The following ROCK1 variants were observed in gnomAD, a reference collection of about 807,000 sequenced individuals.
ROCK1 encodes Rho associated coiled-coil containing protein kinase 1.
ROCK1 carries 36 observed loss-of-function variants against 196.8 expected under a neutral mutation model. The observed-to-expected ratio is 0.18, with a 90% CI of 0.14 to 0.24. ROCK1 has a LOEUF of 0.24. ROCK1 is among the 10% of genes least tolerant of loss of function. ROCK1 has a pLI of 1.00. For synonymous variants in ROCK1, 443 were observed against 515.9 expected, an observed-to-expected ratio of 0.86 and a Z score of 1.91; for missense variants, 920 against 1,562.0, an observed-to-expected ratio of 0.59 and a Z score of 6.93.
chr18:21,005,565 T>C (rs962790161), intron 16 of ROCK1, among the ~76,000 whole-genome samples: 1 of 152,122 alleles, frequency 6.6e-6, no homozygotes, highest in Non-Finnish European at 1.5e-5. Context: ...GATACAAATG[T>C]GGGCATTATT....
intron 27 of ROCK1, among the ~76,000 whole-genome samples, chr18:20,960,418 C>T (rs1350226780): frequency 1.3e-5 from 2 of 151,972 alleles, no homozygotes; most frequent in Non-Finnish European, 2.9e-5. Flanking sequence ...TTTTCCCATA[C>T]AATTTAACAT....
chr18:21,046,622 G>A (rs2036162218), intron 4 of ROCK1, among the ~76,000 whole-genome samples: 1 of 152,106 alleles, frequency 6.6e-6, no homozygotes, highest in Admixed American at 6.6e-5. Flanking sequence ...AATTAGCGAG[G>A]ATATCAGGCA....
chr18:20,963,092 A>G (rs150858850), intron 27 of ROCK1, among the ~76,000 whole-genome samples: 69 of 152,262 alleles, frequency 4.5e-4, no homozygotes, highest in African/African-American at 1.6e-3. Flanking sequence ...ACTCCCACTG[A>G]GAGAACCTCT....
At chr18:20,976,811 A>G (rs2035485166) in intron 22 of ROCK1, among the ~76,000 whole-genome samples, 1 of 152,150 alleles carries the variant, frequency 6.6e-6, no homozygotes, top group Non-Finnish European at 1.5e-5. Flanking sequence ...CTCAAACTCA[A>G]TAGGCCTGAA....
chr18:20,980,239 T>TAA (rs374886251), intron 21 of ROCK1, among the ~76,000 whole-genome samples: 5 of 147,714 alleles, frequency 3.4e-5, no homozygotes, highest in African/African-American at 9.9e-5. Context: ...ATACATGGGT[T>TAA]AAAAAAAAAA....
chr18:21,020,033 T>C (rs1223567287), intron 12 of ROCK1, 118 bp downstream of exon 12: 12 of 556,058 alleles, frequency 2.2e-5, no homozygotes, highest in Non-Finnish European at 3.7e-5. Context: ...GTATTATCAG[T>C]AGTAATCTTT....
rs940582174 is a variant in ROCK1, at chr18:21,013,835, G to A, written c.1410+1596C>T. On this transcript the variant is annotated intron_variant, in intron 13 of 32. Transcript: ENST00000399799. ...TCCCAGCACTTTGGGAGGCCAAGGCGGGTGGATCAAGGTCAGGAGATTGAG... is the reference window on the plus strand; with the variant it reads ...TCCCAGCACTTTGGGAGGCCAAGGCAGGTGGATCAAGGTCAGGAGATTGAG... 2.0e-4 allele frequency among the ~76,000 whole-genome samples: 31 copies of A among 151,416 alleles called. 1 individual carries two copies. Among genetic ancestry groups the A allele is most frequent in the African/African-American group, 7.4e-4 (30 of 40,804 alleles).
intron 23 of ROCK1, among the ~76,000 whole-genome samples, chr18:20,969,566 T>A (rs915488486): frequency 1.3e-5 from 2 of 152,220 alleles, no homozygotes; most frequent in Non-Finnish European, 2.9e-5. Flanking sequence ...AATATCTTTA[T>A]CTGAATATTG....
At chr18:20,980,107 C>A in intron 21 of ROCK1, 103 bp from the exon 22 acceptor site, 1 of 1,309,610 alleles carries the variant, frequency 7.6e-7, no homozygotes, top group Non-Finnish European at 1.0e-6. Context: ...CCAACAATTC[C>A]ACTCTCAAGT....
chr18:21,099,760 C>T (rs181840802), intron 1 of ROCK1, among the ~76,000 whole-genome samples: 2 of 151,468 alleles, frequency 1.3e-5, no homozygotes, highest in East Asian at 2.0e-4. Context: ...ACAGGCCGGG[C>T]GCAGTGGCTC....
intron 16 of ROCK1, among the ~76,000 whole-genome samples, chr18:20,995,304 T>G (rs1289745342): frequency 6.6e-6 from 1 of 152,152 alleles, no homozygotes; most frequent in Admixed American, 6.5e-5. Context: ...TATGTGTCAA[T>G]TAAAAATAAA....
intron 29 of ROCK1, among the ~76,000 whole-genome samples, chr18:20,957,326 T>C (rs1338347582): frequency 2.0e-5 from 3 of 152,204 alleles, no homozygotes; most frequent in Non-Finnish European, 4.4e-5. Context: ...GAACAATCAA[T>C]ACAGACACCA....
intron 2 of ROCK1, among the ~76,000 whole-genome samples, chr18:21,058,727 A>G (rs2036264644): frequency 6.6e-6 from 1 of 152,124 alleles, no homozygotes; most frequent in African/African-American, 2.4e-5. Flanking sequence ...CTATAGGCAC[A>G]CAACACCATG....
Position 20,959,756 on chromosome 18 carries a change from A to G in ROCK1, c.3512+84T>C, listed in dbSNP as rs979137333. 45 of 668,946 alleles carry G rather than the reference A, an allele frequency of 6.7e-5. No individual in the cohort carries two copies. The African/African-American group carries it at 8.3e-4, about 12-fold the overall frequency. 41.4% of individuals were successfully genotyped at this position (668,946 alleles called of 1,614,324 possible). A position where few individuals can be genotyped will look rare whatever the true frequency, so the allele number is the denominator to read the frequency against. On this transcript the variant is annotated intron_variant, in intron 29 of 32. Transcript: ENST00000399799. The stretch of plus-strand genomic sequence containing the variant: ...TAGGTAACAGTGCTGAAGTAACACA[A>G]AATATAAAATAAATTTTAAGTCTAA...
chr18:21,027,694 G>C (rs1267318131), intron 10 of ROCK1, among the ~76,000 whole-genome samples: 1 of 151,058 alleles, frequency 6.6e-6, no homozygotes, highest in Admixed American at 6.6e-5. Flanking sequence ...CAAGGTCACA[G>C]TGGAGGTAAT....
chr18:21,012,317 G>A (rs1370122067), intron 13 of ROCK1, among the ~76,000 whole-genome samples: 1 of 152,184 alleles, frequency 6.6e-6, no homozygotes, highest in African/African-American at 2.4e-5. Flanking sequence ...TTTAGGGAAG[G>A]TGTGCTGGTG....
At chr18:21,039,355 ATT>A in intron 9 of ROCK1, 115 bp downstream of exon 9, 1 of 706,226 alleles carries the variant, frequency 1.4e-6, no homozygotes, top group Non-Finnish European at 2.4e-6. Context: ...CCCATATAGT[ATT>A]TGTGGCTTCT....
chr18:21,019,008 A>C (rs2035889302), intron 12 of ROCK1, among the ~76,000 whole-genome samples: 1 of 152,244 alleles, frequency 6.6e-6, no homozygotes, highest in Non-Finnish European at 1.5e-5. Context: ...TGCTGAAATT[A>C]GACCCACAGA....
intron 13 of ROCK1, among the ~76,000 whole-genome samples, chr18:21,010,357 T>C (rs1315912153): frequency 1.3e-5 from 2 of 152,234 alleles, no homozygotes; most frequent in South Asian, 2.1e-4. Context: ...TTCATCACCA[T>C]GTTAACAGCA....
Sources: allele counts gnomAD v4.1 joint callset (sites outside exome capture counted in the v4.1 genomes callset), GRCh38; gene constraint gnomAD v4.1.1; transcripts MANE v1.5; gene names NCBI Gene and HGNC (gene_info 2026-07-23, HGNC 2026-07-21).